The following SHROOM3 variants were observed in gnomAD, a reference collection of about 807,000 sequenced individuals.
The protein encoded by SHROOM3 is protein Shroom3.
Under a neutral mutation model 138.6 loss-of-function variants are expected in SHROOM3, and 47 were observed. The observed-to-expected ratio is 0.34, with a 90% CI of 0.27 to 0.43. The LOEUF is 0.43. Among genes scored for constraint, SHROOM3 ranks in the 20% least tolerant of loss-of-function variants. SHROOM3 has a pLI of 1.00. For synonymous variants in SHROOM3, 1,062 were observed against 1,063.3 expected, an observed-to-expected ratio of 1.00 and a Z score of 0.02; for missense variants, 2,491 against 2,596.5, an observed-to-expected ratio of 0.96 and a Z score of 0.88.
intron 1 of SHROOM3, among the ~76,000 whole-genome samples, chr4:76,482,927 T>C (rs1319055129): frequency 6.6e-6 from 1 of 152,168 alleles, no homozygotes; most frequent in African/African-American, 2.4e-5. Context: ...TAAATGGTGT[T>C]GGGAAAACTG....
At chr4:76,568,188 G>A (rs1384121668) in intron 2 of SHROOM3, among the ~76,000 whole-genome samples, 1 of 152,216 alleles carries the variant, frequency 6.6e-6, no homozygotes, top group Non-Finnish European at 1.5e-5. Context: ...TGGTGAGCCA[G>A]CTCCAAGCCA....
chr4:76,646,073 C>T (rs1011355646), intron 2 of SHROOM3, among the ~76,000 whole-genome samples: 12 of 151,564 alleles, frequency 7.9e-5, no homozygotes, highest in Non-Finnish European at 1.2e-4. Flanking sequence ...TTTCAGAACC[C>T]GTTGAGGGAG....
At chr4:76,614,693 A>G (rs1734836557) in intron 2 of SHROOM3, among the ~76,000 whole-genome samples, 1 of 152,108 alleles carries the variant, frequency 6.6e-6, no homozygotes, top group Non-Finnish European at 1.5e-5. Context: ...ATAGGTTCTT[A>G]TGATGAAGGA....
chr4:76,661,934 C>T (rs566342356), intron 2 of SHROOM3, among the ~76,000 whole-genome samples: 38 of 152,204 alleles, frequency 2.5e-4, no homozygotes, highest in African/African-American at 8.7e-4. Flanking sequence ...GATGTGTGTT[C>T]GATTTTCCAT....
intron 2 of SHROOM3, among the ~76,000 whole-genome samples, chr4:76,656,626 T>G (rs1355404226): frequency 6.6e-6 from 1 of 152,202 alleles, no homozygotes; most frequent in Non-Finnish European, 1.5e-5. Flanking sequence ...GCAGAGATGG[T>G]TTGCATTTAT....
chr4:76,735,388 G>GA (rs1190315776), intron 4 of SHROOM3, among the ~76,000 whole-genome samples: 1 of 152,088 alleles, frequency 6.6e-6, no homozygotes, highest in Non-Finnish European at 1.5e-5. Flanking sequence ...TGAAGGGACA[G>GA]AACCCTCTCC....
intron 1 of SHROOM3, among the ~76,000 whole-genome samples, chr4:76,446,634 A>G (rs1270602462): frequency 6.6e-6 from 1 of 152,164 alleles, no homozygotes; most frequent in East Asian, 1.9e-4. Flanking sequence ...CGAACATTAG[A>G]TGGTTTAAAG....
chr4:76,558,551 T>G (rs1733535478), intron 2 of SHROOM3, among the ~76,000 whole-genome samples: 1 of 152,192 alleles, frequency 6.6e-6, no homozygotes, highest in Admixed American at 6.5e-5. Context: ...ATTTAAGGGC[T>G]AGTACCCAGC....
chr4:76,451,697 C>T (rs1417702404), intron 1 of SHROOM3, among the ~76,000 whole-genome samples: 2 of 152,036 alleles, frequency 1.3e-5, no homozygotes, highest in Non-Finnish European at 2.9e-5. Flanking sequence ...TAAGTCATGC[C>T]TTAAATAAAA....
At chr4:76,772,468 C>A (rs994036328) in intron 10 of SHROOM3, among the ~76,000 whole-genome samples, 2 of 152,130 alleles carry the variant, frequency 1.3e-5, no homozygotes, top group Non-Finnish European at 2.9e-5. Context: ...TAATACATTG[C>A]ATTAAAAGGA....
At chr4:76,672,109 T>C (rs914554086) in intron 2 of SHROOM3, among the ~76,000 whole-genome samples, 5 of 152,032 alleles carry the variant, frequency 3.3e-5, no homozygotes, top group Admixed American at 3.3e-4. Context: ...GAGCTTTATA[T>C]ACAATTTCCA....
At chr4:76,655,799 G>A (rs1736054065) in intron 2 of SHROOM3, among the ~76,000 whole-genome samples, 1 of 152,182 alleles carries the variant, frequency 6.6e-6, no homozygotes, top group African/African-American at 2.4e-5. Context: ...AAGGCCATAG[G>A]AATTGCCAGG....
chr4:76,570,432 A>C (rs1399892276), intron 2 of SHROOM3, among the ~76,000 whole-genome samples: 1 of 152,144 alleles, frequency 6.6e-6, no homozygotes, highest in Non-Finnish European at 1.5e-5. Flanking sequence ...AATCGGTGGC[A>C]TCCCCACAAA....
chr4:76,450,441 G>A (rs932343495), intron 1 of SHROOM3, among the ~76,000 whole-genome samples: 3 of 152,082 alleles, frequency 2.0e-5, no homozygotes, highest in Admixed American at 2.0e-4. Flanking sequence ...ATACTCAAAT[G>A]TTCATAGCCT....
intron 2 of SHROOM3, among the ~76,000 whole-genome samples, chr4:76,649,531 T>C (rs530475930): frequency 6.6e-6 from 1 of 152,270 alleles, no homozygotes; most frequent in East Asian, 1.9e-4. Context: ...CTTTGAACAT[T>C]TGGGATAATT....
intron 1 of SHROOM3, among the ~76,000 whole-genome samples, chr4:76,481,831 G>A (rs1354901377): frequency 6.6e-6 from 1 of 152,150 alleles, no homozygotes; most frequent in African/African-American, 2.4e-5. Flanking sequence ...TCATCCCTGG[G>A]ATGCAAGGCT....
At chr4:76,552,069 G>A (rs1259368077) in intron 1 of SHROOM3, among the ~76,000 whole-genome samples, 3 of 147,934 alleles carry the variant, frequency 2.0e-5, no homozygotes, top group Non-Finnish European at 4.5e-5. Flanking sequence ...CACCGTGTTA[G>A]CCAGGATGGA....
chr4:76,676,812 C>G lies in SHROOM3; in HGVS notation c.324-33344C>G, dbSNP rs929634873. ...CAAAAAATTAGCCGGACATGATGGC[C>G]GGCGCCTGTAGTCCCAGCTACTCGG... On this transcript the variant is annotated intron_variant, in intron 2 of 10. Coordinates refer to ENST00000296043, the MANE Select transcript of SHROOM3 (RefSeq NM_020859.4). Among the ~76,000 whole-genome samples the G allele has an allele frequency of 3.3e-5, 5 of 151,756 alleles. No homozygotes were observed. The East Asian group carries it at 5.8e-4, about 18-fold the overall frequency.
chr4:76,550,191 T>C, intron 1 of SHROOM3, among the ~76,000 whole-genome samples: 1 of 152,210 alleles, frequency 6.6e-6, no homozygotes, highest in Admixed American at 6.5e-5. Context: ...TACTAGAATA[T>C]AAACTCTGGG....
Sources: allele counts gnomAD v4.1 joint callset (sites outside exome capture counted in the v4.1 genomes callset), GRCh38; gene constraint gnomAD v4.1.1; transcripts MANE v1.5; gene names NCBI Gene and HGNC (gene_info 2026-07-23, HGNC 2026-07-21).